Variants in COL5A1 observed in about 807,000 individuals in gnomAD.
The protein encoded by COL5A1 is collagen alpha-1(V) chain.
Under a neutral mutation model 263.7 loss-of-function variants are expected in COL5A1, and 16 were observed. The observed-to-expected ratio is 0.06, with a 90% CI of 0.04 to 0.09. The LOEUF (loss-of-function observed/expected upper bound fraction) is 0.09. Ranked by LOEUF, COL5A1 falls within the 10% of genes least tolerant of loss-of-function variation. The pLI is 1.00. For synonymous variants in COL5A1, 1,012 were observed against 1,004.5 expected (o/e 1.01, Z -0.14); for missense variants, 2,036 against 2,540.5 (o/e 0.80, Z 4.27).
In COL5A1 at chr9:134,771,033, C is replaced by T. The variant is rs892086148; in HGVS notation, c.2287-1757C>T. Among the ~76,000 whole-genome samples the T allele has an allele frequency of 1.3e-4, 20 of 152,246 alleles. 1 individual carries two copies. The highest frequency in any genetic ancestry group is 2.6e-4 in the Non-Finnish European group (18 of 68,050). On this transcript the variant is annotated intron_variant, in intron 25 of 65. Transcript: ENST00000371817. ...GGCCGCTAACTCTGCTTGGTGCTCC[C>T]TGGGTGGGCGCAGTTCTGAGCCCCT... is the stretch of plus-strand genomic sequence containing the variant.
chr9:134,662,267 A>T (rs77079255), intron 1 of COL5A1, among the ~76,000 whole-genome samples: 2,439 of 152,118 alleles, frequency 0.016, 34 homozygotes, highest in Non-Finnish European at 0.023. Flanking sequence ...AACTGCCCCC[A>T]GGCAGGGCCC....
Position 134,795,104 on chromosome 9 carries a change from C to T in COL5A1, c.2723C>T (p.Pro908Leu), listed in dbSNP as rs772211736. 1.1e-5 allele frequency: 17 copies of T among 1,613,922 alleles called. No individual in the cohort carries two copies. The highest frequency in any genetic ancestry group is 8.9e-5 in the East Asian group (4 of 44,886). The change falls in exon 33 of 66, where the codon CCG becomes CTG. Residue 908 changes from proline to leucine, a missense_variant. Physicochemically the swap from Pro to Leu is moderately conservative, Grantham distance 98 (BLOSUM62 -3). Around this residue, in one of 3 missense-constraint regions of COL5A1, gnomAD observed 1,078 missense variants for 1,521.4 expected, o/e 0.71. Transcript: ENST00000371817. ...TAGGGGACCCCTGGAAAGCCAGGAC[C>T]GCGGGGGCAGCGAGGCCCAACGGTA... ...GGRGTPGKPG[P>L]RGQRGPTGPR...
chr9:134,672,932 T>C (rs1832579265), intron 1 of COL5A1, among the ~76,000 whole-genome samples: 1 of 152,184 alleles, frequency 6.6e-6, no homozygotes, highest in South Asian at 2.1e-4. Flanking sequence ...AAATATAAAA[T>C]ACTTAGAGAT....
chr9:134,743,415 C>T (rs1320159628), intron 11 of COL5A1, among the ~76,000 whole-genome samples: 2 of 152,202 alleles, frequency 1.3e-5, no homozygotes, highest in African/African-American at 2.4e-5. Context: ...CAGATCTTTC[C>T]ACCTACAGCA....
intron 1 of COL5A1, among the ~76,000 whole-genome samples, chr9:134,666,802 G>A (rs921486151): frequency 6.6e-5 from 10 of 152,216 alleles, no homozygotes; most frequent in African/African-American, 2.2e-4. Context: ...GAGATTTGGG[G>A]GAGTAGACTC....
intron 21 of COL5A1, among the ~76,000 whole-genome samples, chr9:134,766,134 G>A (rs935820000): frequency 1.3e-5 from 2 of 152,214 alleles, no homozygotes; most frequent in Admixed American, 6.5e-5. Flanking sequence ...CTGTGTCCCG[G>A]TGGGCAGCTC....
At chr9:134,769,584 G>A (rs576059199) in intron 25 of COL5A1, among the ~76,000 whole-genome samples, 5 of 152,250 alleles carry the variant, frequency 3.3e-5, no homozygotes, top group African/African-American at 9.6e-5. Context: ...GCGGGTGGAC[G>A]TGTGTCCTTC....
chr9:134,786,970 A>C (rs973819424), intron 31 of COL5A1, among the ~76,000 whole-genome samples: 9 of 152,206 alleles, frequency 5.9e-5, no homozygotes, highest in African/African-American at 2.2e-4. Context: ...CTTCCTGTGG[A>C]ATGCGAAGCC....
Position 134,696,205 on chromosome 9 carries a change from A to C in COL5A1, c.278-3704A>C, listed in dbSNP as rs558556143. Among the ~76,000 whole-genome samples the C allele has an allele frequency of 1.3e-5, 2 of 151,848 alleles. No homozygotes were observed. The highest frequency in any genetic ancestry group is 2.9e-5 in the Non-Finnish European group (2 of 67,932). On this transcript the variant is annotated intron_variant, in intron 2 of 65. Transcript: ENST00000371817. The surrounding 1 kb of genome is among the most constrained non-coding windows in gnomAD (Gnocchi z 4.3). ...ATTATTATTATTGAGACAGAGTCTC[A>C]CTCTGTCGCCCAGGCTGGAGTGCAG...
At chr9:134,795,611 C>A (rs949511414) in intron 34 of COL5A1, among the ~76,000 whole-genome samples, 3 of 152,176 alleles carry the variant, frequency 2.0e-5, no homozygotes, top group African/African-American at 7.2e-5. Context: ...GCCAGGCCCA[C>A]CGCAGACTCA....
chr9:134,775,244 C>T (rs1297469539), intron 27 of COL5A1, among the ~76,000 whole-genome samples: 1 of 152,248 alleles, frequency 6.6e-6, no homozygotes, highest in Admixed American at 6.5e-5. Flanking sequence ...TGCCATTTGT[C>T]AGGCTTCTGT....
chr9:134,829,804 G>T (rs898524503), intron 63 of COL5A1, among the ~76,000 whole-genome samples, 172 bp from the exon 64 acceptor site: 1 of 152,158 alleles, frequency 6.6e-6, no homozygotes, highest in African/African-American at 2.4e-5. Flanking sequence ...CCCCACAAGG[G>T]CCGGGGCCCT....
chr9:134,824,525 T>C lies in COL5A1; in HGVS notation c.4699-75T>C, dbSNP rs1038501031. ...GAACCCCTGCAGATGTGGCCCCAGCTGTCCCTGCTCTGCTCATATCCTGGG... is the reference window on the plus strand; with the variant it reads ...GAACCCCTGCAGATGTGGCCCCAGCCGTCCCTGCTCTGCTCATATCCTGGG... On this transcript the variant is annotated intron_variant, in intron 61 of 65. Transcript: ENST00000371817. 11 of 1,588,268 alleles carry C rather than the reference T, an allele frequency of 6.9e-6. No individual in the cohort carries two copies. The African/African-American group carries it at 8.1e-5, about 12-fold the overall frequency.
intron 18 of COL5A1, among the ~76,000 whole-genome samples, chr9:134,760,252 ACACC>A (rs780764370): frequency 1.8e-5 from 2 of 108,728 alleles, no homozygotes; most frequent in Non-Finnish European, 3.7e-5. Context: ...ACACACCCAC[ACACC>A]CCACACTGAT....
intron 64 of COL5A1, among the ~76,000 whole-genome samples, chr9:134,832,577 C>T (rs866806775): frequency 6.6e-6 from 1 of 152,302 alleles, no homozygotes; most frequent in African/African-American, 2.4e-5. Context: ...CCCCGGGCCC[C>T]CCTGCTGCCC....
At chr9:134,740,831 G>A (rs541082361) in intron 11 of COL5A1, among the ~76,000 whole-genome samples, 37 of 152,216 alleles carry the variant, frequency 2.4e-4, no homozygotes, top group Non-Finnish European at 4.7e-4. Flanking sequence ...GGAGAATATC[G>A]TTGGTTTAGG....
chr9:134,706,213 T>A (rs115212910), intron 4 of COL5A1, among the ~76,000 whole-genome samples: 441 of 152,296 alleles, frequency 2.9e-3, no homozygotes, highest in African/African-American at 0.01. Context: ...CTTCTGGATG[T>A]GCCGGTGCCC....
chr9:134,665,060 G>T (rs1449533297), intron 1 of COL5A1, among the ~76,000 whole-genome samples: 1 of 152,172 alleles, frequency 6.6e-6, no homozygotes, highest in Non-Finnish European at 1.5e-5. Flanking sequence ...TTAGCCAGGT[G>T]TGGTGGCGGG....
intron 4 of COL5A1, among the ~76,000 whole-genome samples, chr9:134,719,269 CAT>C (rs1335507333): frequency 6.6e-6 from 1 of 152,350 alleles, no homozygotes; most frequent in African/African-American, 2.4e-5. Flanking sequence ...CCATGTCACA[CAT>C]ACACATGCAT....
Sources: gnomAD v4.1 joint callset for allele counts (sites outside exome capture counted in the v4.1 genomes callset) on GRCh38, gnomAD v4.1.1 for gene constraint, gnomAD v4.1.1 regional missense constraint, Gnocchi (gnomAD v3.1) non-coding constraint, MANE v1.5 for transcripts, NCBI Gene and HGNC (gene_info 2026-07-23, HGNC 2026-07-21) for gene names.